The following IL1RAPL1 variants were observed in gnomAD, a reference collection of about 807,000 sequenced individuals.
The protein encoded by IL1RAPL1 is interleukin 1 receptor accessory protein like 1, also known as interleukin-1 receptor accessory protein-like 1.
IL1RAPL1 carries 3 observed loss-of-function variants against 48.4 expected under a neutral mutation model. The observed-to-expected ratio is 0.06, with a 90% CI of 0.03 to 0.16. IL1RAPL1 has a LOEUF of 0.16. Among genes scored for constraint, IL1RAPL1 ranks in the 10% least tolerant of loss-of-function variants. The pLI is 1.00. For missense variants in IL1RAPL1, 349 were observed against 530.6 expected, an observed-to-expected ratio of 0.66 and a Z score of 3.36; for synonymous variants, 185 against 187.7, an observed-to-expected ratio of 0.99 and a Z score of 0.12.
chrX:28,944,428 T>C (rs762544460), intron 2 of IL1RAPL1, among the ~76,000 whole-genome samples: 1 of 111,159 alleles, frequency 9.0e-6, no homozygotes, highest in Non-Finnish European at 1.9e-5. Context: ...GGGTATGCAG[T>C]TGAAGTTTAA....
At chrX:28,905,426 A>G (rs1272958596) in intron 2 of IL1RAPL1, among the ~76,000 whole-genome samples, 1 of 111,522 alleles carries the variant, frequency 9.0e-6, no homozygotes, top group Non-Finnish European at 1.9e-5. Context: ...GATTTACCAG[A>G]AAGAGAACAA....
chrX:28,928,884 G>C (rs1050716851), intron 2 of IL1RAPL1, among the ~76,000 whole-genome samples: 25 of 111,823 alleles, frequency 2.2e-4, no homozygotes, highest in African/African-American at 8.1e-4. Context: ...TCTAGAATCT[G>C]AACTCTTTGT....
At chrX:29,416,466 G>A (rs774792974) in intron 5 of IL1RAPL1, among the ~76,000 whole-genome samples, 29 of 110,894 alleles carry the variant, frequency 2.6e-4, no homozygotes, top group Non-Finnish European at 5.1e-4. Context: ...AACTTGGGGG[G>A]GCAGAGGTTG....
chrX:28,608,432 A>G (rs192727520), intron 1 of IL1RAPL1, among the ~76,000 whole-genome samples: 118 of 112,346 alleles, frequency 1.1e-3, no homozygotes, highest in African/African-American at 3.6e-3. Context: ...TTGAAAGACC[A>G]CTTCACTTAA....
At chrX:29,479,560 T>A in intron 5 of IL1RAPL1, among the ~76,000 whole-genome samples, 1 of 108,981 alleles carries the variant, frequency 9.2e-6, no homozygotes. Flanking sequence ...GAGGTACAGG[T>A]TTTTTTTGGT....
chrX:28,639,941 G>T (rs1264219458), intron 1 of IL1RAPL1, among the ~76,000 whole-genome samples: 1 of 111,907 alleles, frequency 8.9e-6, no homozygotes, highest in Non-Finnish European at 1.9e-5. Context: ...AGTTTCTGCT[G>T]TAAGCCCTTA....
At chrX:29,664,131 G>A (rs1418868672) in intron 5 of IL1RAPL1, among the ~76,000 whole-genome samples, 6 of 112,205 alleles carry the variant, frequency 5.3e-5, no homozygotes, top group Non-Finnish European at 1.1e-4. Context: ...TGGGCCGGGC[G>A]CGGTGGCTCA....
chrX:29,360,687 T>A (rs1255320333), intron 3 of IL1RAPL1, among the ~76,000 whole-genome samples: 2 of 111,928 alleles, frequency 1.8e-5, no homozygotes, highest in Non-Finnish European at 3.8e-5. Flanking sequence ...TCAAGGATTT[T>A]AAAATTTGAG....
At chrX:28,777,673 T>C (rs1171670526) in intron 1 of IL1RAPL1, among the ~76,000 whole-genome samples, 1 of 111,446 alleles carries the variant, frequency 9.0e-6, no homozygotes, top group Non-Finnish European at 1.9e-5. Flanking sequence ...CTGTGCTCCA[T>C]GGCCTCAGAA....
At chrX:29,516,670 C>T (rs1935449179) in intron 5 of IL1RAPL1, among the ~76,000 whole-genome samples, 1 of 110,746 alleles carries the variant, frequency 9.0e-6, no homozygotes, top group Non-Finnish European at 1.9e-5. Context: ...TAATGTATCT[C>T]TTGTATTCTT....
intron 2 of IL1RAPL1, among the ~76,000 whole-genome samples, chrX:29,009,396 C>G (rs961506406): frequency 8.9e-6 from 1 of 112,108 alleles, no homozygotes; most frequent in Non-Finnish European, 1.9e-5. Context: ...AGTTTGAGGT[C>G]TTACATTTAA....
intron 5 of IL1RAPL1, among the ~76,000 whole-genome samples, chrX:29,448,754 T>C (rs1934640893): frequency 9.0e-6 from 1 of 111,251 alleles, no homozygotes; most frequent in Non-Finnish European, 1.9e-5. Context: ...AACAATACCA[T>C]AGACTGGGTG....
chrX:28,972,688 G>A (rs772823087), intron 2 of IL1RAPL1, among the ~76,000 whole-genome samples: 24 of 111,417 alleles, frequency 2.2e-4, no homozygotes, highest in Non-Finnish European at 4.3e-4. Flanking sequence ...GGAGTGAGCC[G>A]AGATCGTGCC....
At chrX:29,337,142 T>C (rs1933007510) in intron 3 of IL1RAPL1, among the ~76,000 whole-genome samples, 2 of 111,971 alleles carry the variant, frequency 1.8e-5, no homozygotes, top group Non-Finnish European at 3.8e-5. Context: ...TGCCCTTTTA[T>C]TATAAAATGG....
chrX:29,245,642 A>C (rs1256536241), intron 2 of IL1RAPL1, among the ~76,000 whole-genome samples: 1 of 111,670 alleles, frequency 9.0e-6, no homozygotes, highest in African/African-American at 3.3e-5. Context: ...TCTCTTGTAA[A>C]TTTGTTTAAG....
intron 2 of IL1RAPL1, among the ~76,000 whole-genome samples, chrX:28,870,077 G>T (rs769900166): frequency 2.7e-5 from 3 of 111,178 alleles, no homozygotes; most frequent in African/African-American, 6.5e-5. Context: ...CATATTGTGG[G>T]TATACCATGT....
chrX:29,871,924 A>C (rs1414187083), intron 6 of IL1RAPL1, among the ~76,000 whole-genome samples: 2 of 110,713 alleles, frequency 1.8e-5, no homozygotes, highest in African/African-American at 3.3e-5. Context: ...TGGTTTCGCC[A>C]TGTTGGCCAG....
intron 2 of IL1RAPL1, among the ~76,000 whole-genome samples, chrX:29,085,179 A>G (rs939063148): frequency 4.5e-5 from 5 of 111,734 alleles, no homozygotes; most frequent in Non-Finnish European, 7.5e-5. Flanking sequence ...ATAATAAAGT[A>G]TAATATTATA....
chrX:29,507,350 T>C (rs1486338471), intron 5 of IL1RAPL1, among the ~76,000 whole-genome samples: 1 of 14,045 alleles, frequency 7.1e-5, no homozygotes, highest in Admixed American at 7.4e-4. Flanking sequence ...TCCCTTCTCT[T>C]CCCTCCCCTT....
Sources: gnomAD v4.1 joint callset for allele counts (sites outside exome capture counted in the v4.1 genomes callset) on GRCh38, gnomAD v4.1.1 for gene constraint, MANE v1.5 for transcripts, NCBI Gene and HGNC (gene_info 2026-07-23, HGNC 2026-07-21) for gene names.